The following RNLS variants were observed in gnomAD, a reference collection of about 807,000 sequenced individuals.
The protein encoded by RNLS is renalase.
A neutral mutation model predicts 39.8 loss-of-function variants in RNLS; 39 were observed. The ratio of observed to expected loss-of-function variants is 0.98; its 90% confidence interval spans 0.76 to 1.28. The LOEUF is 1.28. Among genes scored for constraint, RNLS ranks in the 50% most tolerant of loss-of-function variants. The pLI is 0.00. For missense variants in RNLS, 410 were observed against 413.3 expected (o/e 0.99, Z 0.07); for synonymous variants, 147 against 150.7 (o/e 0.98, Z 0.18).
the RNLS span, among the ~76,000 whole-genome samples, chr10:88,185,489 C>A: frequency 6.6e-6 from 1 of 152,010 alleles, no homozygotes; most frequent in Non-Finnish European, 1.5e-5. Context: ...ACTATCTCTG[C>A]CTCAAAACTC....
the RNLS span, among the ~76,000 whole-genome samples, chr10:88,265,657 G>A: frequency 2.0e-5 from 3 of 152,046 alleles, no homozygotes; most frequent in South Asian, 2.1e-4. Context: ...TAGCTTGGTC[G>A]CTGTTGGTGT....
chr10:88,287,083 C>T (rs1843327353), intron 6 of RNLS, among the ~76,000 whole-genome samples: 1 of 152,090 alleles, frequency 6.6e-6, no homozygotes, highest in Admixed American at 6.6e-5. Context: ...GCCACCATGC[C>T]TGGCTTACAG....
At chr10:88,515,050 A>G (rs1846337786) in intron 4 of RNLS, among the ~76,000 whole-genome samples, 1 of 149,102 alleles carries the variant, frequency 6.7e-6, no homozygotes, top group Non-Finnish European at 1.5e-5. Flanking sequence ...GCTTTTTTAA[A>G]TAATGGCTAC....
At chr10:88,351,404 G>A (rs978751546) in intron 5 of RNLS, among the ~76,000 whole-genome samples, 1 of 152,128 alleles carries the variant, frequency 6.6e-6, no homozygotes, top group Non-Finnish European at 1.5e-5. Flanking sequence ...ATTAATTTTT[G>A]TGTACGGTGT....
At chr10:88,329,659 C>G (rs1256647101) in intron 5 of RNLS, among the ~76,000 whole-genome samples, 2 of 151,778 alleles carry the variant, frequency 1.3e-5, no homozygotes, top group Non-Finnish European at 2.9e-5. Flanking sequence ...CTCATTCTAT[C>G]TTCACATATT....
chr10:88,534,962 A>T (rs771775293), intron 4 of RNLS, among the ~76,000 whole-genome samples: 1 of 152,154 alleles, frequency 6.6e-6, no homozygotes, highest in Non-Finnish European at 1.5e-5. Flanking sequence ...GAAAAAATCA[A>T]AGCAAAAATG....
chr10:88,181,093 T>G, the RNLS span, among the ~76,000 whole-genome samples: 1 of 152,172 alleles, frequency 6.6e-6, no homozygotes, highest in East Asian at 1.9e-4. Flanking sequence ...TTACTCATCT[T>G]TAGGCAGGGA....
the RNLS span, among the ~76,000 whole-genome samples, chr10:88,191,817 C>A: frequency 6.6e-6 from 1 of 152,184 alleles, no homozygotes; most frequent in African/African-American, 2.4e-5. Context: ...GAAACACTAT[C>A]TTGGGTCCAG....
chr10:88,509,195 T>TA (rs1390994390), intron 4 of RNLS, among the ~76,000 whole-genome samples: 4 of 152,124 alleles, frequency 2.6e-5, no homozygotes, highest in Non-Finnish European at 5.9e-5. Context: ...CATCACTTTT[T>TA]AAAAAACTGT....
the RNLS span, among the ~76,000 whole-genome samples, chr10:88,228,819 C>T: frequency 6.6e-6 from 1 of 152,216 alleles, no homozygotes; most frequent in South Asian, 2.1e-4. Flanking sequence ...GTTTGCATAA[C>T]AGCACATGTA....
At position 88,310,824 on chromosome 10, in the gene RNLS, A is replaced by AAAAAAAAAAAAAAAAG. The variant is rs1217903555; in HGVS notation, c.876+3641_876+3642insCTTTTTTTTTTTTTTT. Among the ~76,000 whole-genome samples the AAAAAAAAAAAAAAAAG allele has an allele frequency of 8.6e-4, 97 of 113,436 alleles. 4 individuals are homozygous for AAAAAAAAAAAAAAAAG. Among genetic ancestry groups the AAAAAAAAAAAAAAAAG allele is most frequent in the African/African-American group, 2.6e-3 (87 of 33,036 alleles). 74.4% of individuals were successfully genotyped at this position (113,436 alleles called of 152,430 possible). ...GCCAAAAAAAAAAAAAAAAAAAAAA[A>AAAAAAAAAAAAAAAAG]AAAGAAAGAAAAGGAAGAGAAAAGG... On this transcript the variant is annotated intron_variant, in intron 6 of 6. Coordinates refer to ENST00000331772, the MANE Select transcript of RNLS (RefSeq NM_001031709.3).
At chr10:88,451,891 C>G (rs528842280) in intron 4 of RNLS, among the ~76,000 whole-genome samples, 1 of 152,312 alleles carries the variant, frequency 6.6e-6, no homozygotes, top group Admixed American at 6.5e-5. Flanking sequence ...GCAACTAGTA[C>G]AGTAGAAAGA....
At chr10:88,552,890 A>C (rs940852105) in intron 4 of RNLS, among the ~76,000 whole-genome samples, 1 of 152,240 alleles carries the variant, frequency 6.6e-6, no homozygotes, top group East Asian at 1.9e-4. Context: ...CCTATGACTT[A>C]AAGTCATGAT....
chr10:88,436,431 T>C (rs759549874), intron 4 of RNLS, among the ~76,000 whole-genome samples: 1 of 152,216 alleles, frequency 6.6e-6, no homozygotes. Flanking sequence ...TCTAGCCCCC[T>C]GTTCCACAGC....
chr10:88,576,190 A>G (rs1850196799), intron 3 of RNLS, among the ~76,000 whole-genome samples: 1 of 152,116 alleles, frequency 6.6e-6, no homozygotes, highest in Non-Finnish European at 1.5e-5. Flanking sequence ...TTTATCATGC[A>G]TCTTTTCTTT....
chr10:88,421,072 T>A (rs1456883240), intron 4 of RNLS, among the ~76,000 whole-genome samples: 1 of 152,320 alleles, frequency 6.6e-6, no homozygotes, highest in East Asian at 1.9e-4. Flanking sequence ...AAGTATCAGT[T>A]CCTTGGGAGA....
the RNLS span, among the ~76,000 whole-genome samples, chr10:88,211,901 G>A: frequency 1.3e-5 from 2 of 152,196 alleles, no homozygotes; most frequent in Non-Finnish European, 2.9e-5. Flanking sequence ...TGGAAATCCA[G>A]TTGCAAGCTG....
chr10:88,234,916 T>G, the RNLS span, among the ~76,000 whole-genome samples: 2 of 152,044 alleles, frequency 1.3e-5, no homozygotes, highest in South Asian at 4.1e-4. Flanking sequence ...AGGGTGGGTA[T>G]GGAGGGGTGG....
At chr10:88,397,653 CAGAG>C (rs1934921471) in intron 4 of RNLS, among the ~76,000 whole-genome samples, 1 of 151,678 alleles carries the variant, frequency 6.6e-6, no homozygotes, top group South Asian at 2.1e-4. Flanking sequence ...AGATAGAAAA[CAGAG>C]AGATCAATGA....
Sources: allele counts gnomAD v4.1 joint callset (sites outside exome capture counted in the v4.1 genomes callset), GRCh38; gene constraint gnomAD v4.1.1; transcripts MANE v1.5; gene names NCBI Gene and HGNC (gene_info 2026-07-23, HGNC 2026-07-21).